The following FYB2 variants were observed in gnomAD, a reference collection of about 807,000 sequenced individuals.
FYB2 encodes FYN-binding protein 2.
Under a neutral mutation model 94.1 loss-of-function variants are expected in FYB2, and 103 were observed. That is an observed-to-expected ratio of 1.09 (90% CI 0.93 to 1.29). The LOEUF is 1.29. FYB2 is among the 50% of genes most tolerant of loss of function. The probability of loss-of-function intolerance (pLI) is 0.00; values close to 1 mark genes in which losing one functional copy is unlikely to be tolerated. For missense variants in FYB2, 896 were observed against 841.5 expected (o/e 1.06, Z -0.80); for synonymous variants, 293 against 287.9 (o/e 1.02, Z -0.18).
intron 1 of FYB2, among the ~76,000 whole-genome samples, chr1:56,814,266 C>G (rs1404462826): frequency 6.6e-6 from 1 of 152,172 alleles, no homozygotes; most frequent in Non-Finnish European, 1.5e-5. Flanking sequence ...GCTTTATCAT[C>G]CAGGCCACAG....
At chr1:56,767,685 G>GAA in intron 5 of FYB2, 144 bp downstream of exon 5, 16 of 583,646 alleles carry the variant, frequency 2.7e-5, no homozygotes, top group Admixed American at 7.3e-5. Context: ...ACCAGACACA[G>GAA]AAAAAAAAAA....
intron 10 of FYB2, 35 bp downstream of exon 10, chr1:56,744,117 C>T (rs1367774396): frequency 6.2e-7 from 1 of 1,611,878 alleles, no homozygotes; most frequent in East Asian, 2.2e-5. Context: ...AGTCTCATCA[C>T]ATTCATCTTG....
intron 1 of FYB2, among the ~76,000 whole-genome samples, chr1:56,796,922 G>A (rs1216474299): frequency 6.6e-6 from 1 of 152,108 alleles, no homozygotes; most frequent in Non-Finnish European, 1.5e-5. Context: ...AGGCACTAGG[G>A]TTACAAAGAT....
chr1:56,814,525 G>C (rs545339481), intron 1 of FYB2, among the ~76,000 whole-genome samples: 11 of 152,286 alleles, frequency 7.2e-5, no homozygotes, highest in African/African-American at 2.6e-4. Flanking sequence ...ATGTGTCACT[G>C]TCAAGGACTA....
chr1:56,795,617 T>G (rs1456315128), intron 1 of FYB2, among the ~76,000 whole-genome samples: 1 of 150,696 alleles, frequency 6.6e-6, no homozygotes, highest in Non-Finnish European at 1.5e-5. Flanking sequence ...GGGTTCCAAT[T>G]TCTCCACATC....
chr1:56,754,961 A>G (rs757870914), intron 7 of FYB2, among the ~76,000 whole-genome samples: 2 of 152,100 alleles, frequency 1.3e-5, no homozygotes, highest in Non-Finnish European at 2.9e-5. Context: ...AGGGAGAGAG[A>G]GGAAGGTAGC....
At chr1:56,737,574 T>C (rs1346315676) in intron 14 of FYB2, 1 of 153,272 alleles carries the variant, frequency 6.5e-6, no homozygotes, top group East Asian at 1.9e-4. Flanking sequence ...ATGTTGATTT[T>C]TCTTCCATGG....
chr1:56,758,318 C>T (rs941474398), intron 6 of FYB2, among the ~76,000 whole-genome samples: 1 of 151,978 alleles, frequency 6.6e-6, no homozygotes, highest in Non-Finnish European at 1.5e-5. Flanking sequence ...AATCAGGTTG[C>T]TATGCTGCCT....
At chr1:56,749,201 C>G (rs1315867004) in intron 9 of FYB2, among the ~76,000 whole-genome samples, 1 of 151,742 alleles carries the variant, frequency 6.6e-6, no homozygotes, top group Non-Finnish European at 1.5e-5. Context: ...TTTAGGGTTC[C>G]TGGCTTTGCA....
intron 15 of FYB2, 83 bp from the exon 16 acceptor site, chr1:56,726,666 G>A (rs975961315): frequency 2.6e-6 from 3 of 1,138,230 alleles, no homozygotes; most frequent in Non-Finnish European, 3.7e-6. Context: ...GGGCAATTAT[G>A]TTTTACAAAA....
intron 7 of FYB2, among the ~76,000 whole-genome samples, chr1:56,754,256 C>T (rs1242089322): frequency 2.0e-5 from 3 of 152,042 alleles, no homozygotes; most frequent in African/African-American, 7.2e-5. Context: ...TTTACCTCCA[C>T]TTTGGCTTGA....
At chr1:56,783,225 A>T (rs1052897243) in intron 4 of FYB2, among the ~76,000 whole-genome samples, 1 of 152,200 alleles carries the variant, frequency 6.6e-6, no homozygotes, top group South Asian at 2.1e-4. Flanking sequence ...TAAAGTAAAT[A>T]ATAATATTGT....
At position 56,744,067 on chromosome 1, in the gene FYB2, CT is replaced by C; in HGVS notation, c.1503-2del. The C allele has an allele frequency of 6.2e-7, 1 of 1,612,642 alleles. No individual in the cohort carries two copies. Among genetic ancestry groups the C allele is most frequent in the Non-Finnish European group, 8.5e-7 (1 of 1,179,248 alleles). ...TGAGCTAGAGTAGTTCAGCTTCGGT[CT>C]ATGGGAGAAAATAACAAAGACCATT... On this transcript the variant is annotated splice_acceptor_variant, in intron 10 of 19. Coordinates refer to ENST00000343433, the MANE Select transcript of FYB2 (RefSeq NM_001004303.5). LOFTEE classifies it high-confidence loss of function.
chr1:56,768,806 C>A (rs1287993991), intron 4 of FYB2, among the ~76,000 whole-genome samples: 1 of 151,996 alleles, frequency 6.6e-6, no homozygotes, highest in African/African-American at 2.4e-5. Flanking sequence ...AATAGAATAA[C>A]ATGAACGTTA....
At chr1:56,747,565 T>C (rs6677735) in intron 9 of FYB2, among the ~76,000 whole-genome samples, 30,446 of 152,048 alleles carry the variant, frequency 0.2, 3,415 homozygotes, top group African/African-American at 0.3. Context: ...GCTTCACCCA[T>C]GTCCTTGCAA....
At chr1:56,728,052 C>A (rs1557583571) in intron 15 of FYB2, among the ~76,000 whole-genome samples, 1 of 152,048 alleles carries the variant, frequency 6.6e-6, no homozygotes, top group Non-Finnish European at 1.5e-5. Context: ...TATTCCTTAC[C>A]CTAACTTGAT....
In FYB2 at chr1:56,792,715, C is replaced by T. The variant is rs1557655403; in HGVS notation, c.98G>A (p.Gly33Asp). The stretch of plus-strand genomic sequence containing the variant: ...TCCAATGTCACCCTTTGGAGAAACA[C>T]CTGCTGGGAATTTAATAGGTCCTGG... ...PLPGPIKFPA[G>D]VSPKGDIGGT... is the part of the protein sequence containing the mutation. Residue 33 changes from glycine to aspartate, a missense_variant, in exon 2 of 20, where the codon GGT becomes GAT. Physicochemically the swap from Gly to Asp is moderately conservative, Grantham distance 94. Coordinates refer to ENST00000343433, the MANE Select transcript of FYB2 (RefSeq NM_001004303.5). 6.2e-7 allele frequency: 1 copy of T among 1,614,038 alleles called. No homozygotes were observed. The highest frequency in any genetic ancestry group is 8.5e-7 in the Non-Finnish European group (1 of 1,179,994).
At chr1:56,823,804 A>G (rs1392311975), upstream of FYB2, 1 of 152,196 alleles carries the variant, frequency 6.6e-6, no homozygotes. Flanking sequence ...CACTAATGCC[A>G]GTTACATTAT....
intron 6 of FYB2, among the ~76,000 whole-genome samples, 174 bp from the exon 7 acceptor site, chr1:56,756,101 A>G (rs1645324033): frequency 6.6e-6 from 1 of 152,098 alleles, no homozygotes. Flanking sequence ...GTGGGGCTGA[A>G]GATCAATCAG....
Sources: gnomAD v4.1 joint callset for allele counts (sites outside exome capture counted in the v4.1 genomes callset) on GRCh38, gnomAD v4.1.1 for gene constraint, MANE v1.5 for transcripts, NCBI Gene and HGNC (gene_info 2026-07-23, HGNC 2026-07-21) for gene names.